LIMS2: variants seen among roughly 807,000 people sequenced by gnomAD.
LIMS2 encodes LIM zinc finger domain containing 2.
In LIMS2, 30 loss-of-function variants were observed where a neutral mutation model predicts 45.3. The ratio of observed to expected loss-of-function variants is 0.66; its 90% confidence interval spans 0.50 to 0.90. The LOEUF is 0.90. Among genes scored for constraint, LIMS2 ranks in the 40% least tolerant of loss-of-function variants. The pLI, the probability that LIMS2 is intolerant of heterozygous loss-of-function variation, is 0.00. For missense variants in LIMS2, 485 were observed against 468.7 expected (o/e 1.03, Z -0.32); for synonymous variants, 173 against 188.0 (o/e 0.92, Z 0.65).
chr2:127,651,327 G>A, intron 4 of LIMS2: 1 of 1,610,850 alleles, frequency 6.2e-7, no homozygotes, highest in Non-Finnish European at 8.5e-7. Context: ...GGTGTCCCTG[G>A]CAGTGGCCTT....
At chr2:127,674,916 T>C (rs1380011212) in intron 1 of LIMS2, 98 bp downstream of exon 1, 1 of 1,219,796 alleles carries the variant, frequency 8.2e-7, no homozygotes, top group African/African-American at 1.6e-5. Context: ...GGAGCGGGGA[T>C]CGTGGCGCCG....
At chr2:127,656,749 C>G (rs956379110) in intron 2 of LIMS2, among the ~76,000 whole-genome samples, 2 of 152,194 alleles carry the variant, frequency 1.3e-5, no homozygotes, top group Non-Finnish European at 1.5e-5. Flanking sequence ...GATAGTGTGA[C>G]TCCTCTGCTC....
At chr2:127,666,484 C>T (rs1685007313) in intron 1 of LIMS2, among the ~76,000 whole-genome samples, 1 of 152,124 alleles carries the variant, frequency 6.6e-6, no homozygotes, top group African/African-American at 2.4e-5. Flanking sequence ...ATAATAATAG[C>T]TCGTGGTCCC....
intron 1 of LIMS2, among the ~76,000 whole-genome samples, chr2:127,673,020 A>T (rs1296078634): frequency 1.3e-5 from 2 of 152,222 alleles, no homozygotes; most frequent in Non-Finnish European, 2.9e-5. Flanking sequence ...TGCTTCTGGG[A>T]CAGGAAAACT....
intron 6 of LIMS2, chr2:127,641,318 G>A (rs538350003): frequency 5.8e-4 from 154 of 266,910 alleles, no homozygotes; most frequent in African/African-American, 3.1e-3. Flanking sequence ...TCAGCCCCAG[G>A]AGTCAGGTGC....
chr2:127,639,936 TA>T, intron 9 of LIMS2, 133 bp downstream of exon 9: 1 of 919,504 alleles, frequency 1.1e-6, no homozygotes, highest in Non-Finnish European at 1.7e-6. Context: ...CTGGGTGGTA[TA>T]AGGCCGGGCT....
intron 4 of LIMS2, chr2:127,648,071 C>G: frequency 1.0e-6 from 1 of 985,660 alleles, no homozygotes; most frequent in Non-Finnish European, 1.2e-6. Context: ...TCCGCCCTCA[C>G]CGTGGTTTTA....
intron 4 of LIMS2, among the ~76,000 whole-genome samples, chr2:127,649,044 AG>A (rs1683357245): frequency 1.8e-5 from 1 of 56,766 alleles, no homozygotes; most frequent in African/African-American, 5.4e-5. Context: ...AAAGAAAGAA[AG>A]AGAAAAGAAG....
rs748176652 is a variant in LIMS2, at chr2:127,644,174, G to A, written c.360-1102C>T. ...TGCAGGGCAAGGGGCCCAAACAAAG[G>A]CCCAGCAGTCACTGGCTAAGCTGCC... On this transcript the variant is annotated intron_variant, in intron 4 of 9. Coordinates refer to ENST00000355119, the MANE Select transcript of LIMS2 (RefSeq NM_001161403.3). 3.2e-4 allele frequency: 145 copies of A among 449,648 alleles called. 2 individuals carry two copies. Among genetic ancestry groups the A allele is most frequent in the South Asian group, 1.0e-3 (64 of 64,176 alleles). 27.9% of individuals were successfully genotyped at this position (449,648 alleles called of 1,614,324 possible). A position where few individuals can be genotyped will look rare whatever the true frequency, so the allele number is the denominator to read the frequency against.
Position 127,642,252 on chromosome 2 carries a change from A to G in LIMS2, c.510-53T>C. ...GCCACCCCTGCCCTTCTGCAGGGTCATGCCAGCAGCGCCTCCACCCCAGGG... is the reference window on the plus strand; with the variant it reads ...GCCACCCCTGCCCTTCTGCAGGGTCGTGCCAGCAGCGCCTCCACCCCAGGG... On this transcript the variant is annotated intron_variant, in intron 5 of 9. Coordinates refer to ENST00000355119, the MANE Select transcript of LIMS2 (RefSeq NM_001161403.3). The surrounding 1 kb of genome is among the most constrained non-coding windows in gnomAD (Gnocchi z 5.3). 7.0e-7 allele frequency: 1 copy of G among 1,435,688 alleles called. No individual in the cohort carries two copies. Among genetic ancestry groups the G allele is most frequent in the Admixed American group, 2.5e-5 (1 of 39,670 alleles). The allele number at this position is 1,435,688 out of a possible 1,614,324, so 88.9% of individuals were successfully genotyped here.
chr2:127,675,809 C>T (rs898945421), upstream of LIMS2, among the ~76,000 whole-genome samples: 1 of 152,222 alleles, frequency 6.6e-6, no homozygotes. Context: ...CGCAGTCCCG[C>T]CCCCAGGGAG....
intron 1 of LIMS2, among the ~76,000 whole-genome samples, chr2:127,663,216 C>T (rs1684792583): frequency 1.3e-5 from 2 of 152,204 alleles, no homozygotes; most frequent in Admixed American, 6.5e-5. Context: ...CACACGCATC[C>T]AGGGCTGTCC....
At chr2:127,657,242 C>T (rs1046250186) in intron 2 of LIMS2, among the ~76,000 whole-genome samples, 161 bp downstream of exon 2, 2 of 152,232 alleles carry the variant, frequency 1.3e-5, no homozygotes, top group Non-Finnish European at 2.9e-5. Context: ...TCACATCTCA[C>T]AGGTGAAGGA....
chr2:127,652,230 C>G (rs1394378964), intron 4 of LIMS2: 1 of 185,940 alleles, frequency 5.4e-6, no homozygotes, highest in Non-Finnish European at 1.3e-5. Flanking sequence ...CTCTGAGTCC[C>G]CTCTGTAGTG....
chr2:127,643,077 G>C lies in LIMS2; in HGVS notation c.360-5C>G, dbSNP rs181196903. The C allele has an allele frequency of 1.3e-6, 2 of 1,566,950 alleles. No homozygotes were observed. The highest frequency in any genetic ancestry group is 1.7e-6 in the Non-Finnish European group (2 of 1,157,816). On this transcript the variant is annotated splice_polypyrimidine_tract_variant and splice_region_variant and intron_variant, in intron 4 of 9. Coordinates refer to ENST00000355119, the MANE Select transcript of LIMS2 (RefSeq NM_001161403.3). ...TGGCAAGGCCGGCAGAGATGCCTGCGGGAGGCGGGGGCATTAGGGGCAGAG... is the reference window on the plus strand; with the variant it reads ...TGGCAAGGCCGGCAGAGATGCCTGCCGGAGGCGGGGGCATTAGGGGCAGAG...
chr2:127,651,428 C>T (rs750215143), intron 4 of LIMS2: 16 of 1,612,820 alleles, frequency 9.9e-6, no homozygotes, highest in Admixed American at 8.3e-5. Flanking sequence ...GCCTCAAGAC[C>T]AAGGCAGTGC....
At chr2:127,651,383 C>T in intron 4 of LIMS2, 1 of 1,612,780 alleles carries the variant, frequency 6.2e-7, no homozygotes, top group Non-Finnish European at 8.5e-7. Context: ...TGCTGATCAT[C>T]CGCAGCCTGC....
chr2:127,656,336 C>T (rs1477409522), intron 2 of LIMS2, among the ~76,000 whole-genome samples: 1 of 152,092 alleles, frequency 6.6e-6, no homozygotes, highest in African/African-American at 2.4e-5. Flanking sequence ...CCCCAGCCTC[C>T]TGGCCCAGCC....
upstream of LIMS2, among the ~76,000 whole-genome samples, chr2:127,676,495 T>C (rs1256814171): frequency 1.4e-5 from 2 of 138,456 alleles, no homozygotes; most frequent in East Asian, 2.4e-4. Flanking sequence ...CACTGCAACC[T>C]CCGCCTCCCA....
Sources: allele counts gnomAD v4.1 joint callset (sites outside exome capture counted in the v4.1 genomes callset), GRCh38; gene constraint gnomAD v4.1.1; non-coding constraint Gnocchi (gnomAD v3.1); transcripts MANE v1.5; gene names NCBI Gene and HGNC (gene_info 2026-07-23, HGNC 2026-07-21).